Variants in MACROD2 observed in about 807,000 individuals in gnomAD.
MACROD2 encodes ADP-ribose glycohydrolase MACROD2.
In MACROD2, 36 loss-of-function variants were observed where a neutral mutation model predicts 70.4. The observed-to-expected ratio is 0.51, with a 90% CI of 0.39 to 0.68. The LOEUF (loss-of-function observed/expected upper bound fraction) is 0.68. Among genes scored for constraint, MACROD2 ranks in the 30% least tolerant of loss-of-function variants. The probability of loss-of-function intolerance (pLI) is 0.00; values close to 1 mark genes in which losing one functional copy is unlikely to be tolerated. For synonymous variants in MACROD2, 172 were observed against 178.8 expected (o/e 0.96, Z 0.30); for missense variants, 496 against 538.4 (o/e 0.92, Z 0.78).
chr20:16,005,883 A>G (rs917574932), intron 15 of MACROD2, among the ~76,000 whole-genome samples: 2 of 151,950 alleles, frequency 1.3e-5, no homozygotes, highest in Admixed American at 6.6e-5. Flanking sequence ...CTTTTCCCCT[A>G]TTGTTCTCTC....
intron 5 of MACROD2, among the ~76,000 whole-genome samples, chr20:14,754,125 T>C (rs181223341): frequency 5.9e-5 from 9 of 151,910 alleles, no homozygotes; most frequent in Admixed American, 2.6e-4. Context: ...ATGTTTTTTA[T>C]ATTTCTAGTT....
intron 3 of MACROD2, among the ~76,000 whole-genome samples, chr20:14,221,854 A>G (rs1356803019): frequency 6.6e-6 from 1 of 152,244 alleles, no homozygotes; most frequent in Non-Finnish European, 1.5e-5. Context: ...AGACATACAA[A>G]TGGACAACAA....
At chr20:15,634,923 A>G (rs1396087403) in intron 8 of MACROD2, among the ~76,000 whole-genome samples, 1 of 152,240 alleles carries the variant, frequency 6.6e-6, no homozygotes, top group African/African-American at 2.4e-5. Context: ...GTTGGTGAAG[A>G]TGGCTGCAGA....
chr20:15,078,616 TG>T, intron 5 of MACROD2, among the ~76,000 whole-genome samples: 1 of 152,214 alleles, frequency 6.6e-6, no homozygotes, highest in East Asian at 1.9e-4. Flanking sequence ...TATTCTTCCC[TG>T]TTTTAGGAAT....
intron 4 of MACROD2, among the ~76,000 whole-genome samples, chr20:14,596,383 C>T (rs1982144019): frequency 6.8e-6 from 1 of 147,726 alleles, no homozygotes; most frequent in Non-Finnish European, 1.5e-5. Flanking sequence ...AGCCACCGTG[C>T]CCAGCCCATA....
At chr20:15,877,880 T>G (rs1261236812) in intron 9 of MACROD2, among the ~76,000 whole-genome samples, 1 of 152,104 alleles carries the variant, frequency 6.6e-6, no homozygotes, top group East Asian at 1.9e-4. Context: ...TTGTTCTCCT[T>G]GACAGACCTG....
At chr20:15,787,161 G>A (rs748680242) in intron 8 of MACROD2, among the ~76,000 whole-genome samples, 3 of 152,036 alleles carry the variant, frequency 2.0e-5, no homozygotes, top group Non-Finnish European at 2.9e-5. Flanking sequence ...TAATAGAGAC[G>A]GGATTTCACC....
At chr20:15,674,062 C>T (rs1288383678) in intron 8 of MACROD2, among the ~76,000 whole-genome samples, 1 of 152,074 alleles carries the variant, frequency 6.6e-6, no homozygotes, top group Non-Finnish European at 1.5e-5. Flanking sequence ...ATCCTGTGAA[C>T]CTATAGATCT....
intron 5 of MACROD2, among the ~76,000 whole-genome samples, chr20:15,189,944 G>A (rs571567109): frequency 2.8e-4 from 42 of 152,090 alleles, no homozygotes; most frequent in African/African-American, 9.9e-4. Context: ...TTCATTTAAT[G>A]AATTACCTCT....
intron 8 of MACROD2, among the ~76,000 whole-genome samples, chr20:15,766,013 C>G (rs2051518820): frequency 6.6e-6 from 1 of 152,064 alleles, no homozygotes; most frequent in East Asian, 1.9e-4. Context: ...AAATAAATAT[C>G]ACTCTTACTC....
intron 7 of MACROD2, among the ~76,000 whole-genome samples, chr20:15,481,784 T>C (rs1288798460): frequency 6.6e-6 from 1 of 152,062 alleles, no homozygotes; most frequent in Non-Finnish European, 1.5e-5. Context: ...TTGCCTGCAG[T>C]TAAGAGAGAA....
intron 5 of MACROD2, among the ~76,000 whole-genome samples, chr20:14,975,055 T>G (rs1433388686): frequency 6.6e-6 from 1 of 152,090 alleles, no homozygotes; most frequent in Non-Finnish European, 1.5e-5. Context: ...GGATGCTTAT[T>G]TAGGGGCATC....
chr20:14,479,549 T>G (rs2084638435), intron 3 of MACROD2, among the ~76,000 whole-genome samples: 1 of 152,138 alleles, frequency 6.6e-6, no homozygotes, highest in African/African-American at 2.4e-5. Context: ...ACTATGCTGT[T>G]CCTCCAGACC....
intron 10 of MACROD2, among the ~76,000 whole-genome samples, chr20:15,891,267 C>A (rs2064886128): frequency 6.6e-6 from 1 of 152,068 alleles, no homozygotes; most frequent in Non-Finnish European, 1.5e-5. Flanking sequence ...AGGAACCAGC[C>A]TAGCAGTGAT....
chr20:14,055,507 CAAAAAAA>C (rs4052606), intron 2 of MACROD2, among the ~76,000 whole-genome samples: 1 of 103,210 alleles, frequency 9.7e-6, no homozygotes. Context: ...GTTTCAGGAG[CAAAAAAA>C]AAAAAAAAAA....
At chr20:14,017,352 T>C (rs2053008237) in intron 2 of MACROD2, among the ~76,000 whole-genome samples, 1 of 152,152 alleles carries the variant, frequency 6.6e-6, no homozygotes, top group African/African-American at 2.4e-5. Flanking sequence ...AAACTTCCAA[T>C]ATTATGTTGG....
chr20:15,544,671 A>G lies in MACROD2; in HGVS notation c.645+44824A>G, dbSNP rs193239766. 2.6e-5 allele frequency among the ~76,000 whole-genome samples: 4 copies of G among 152,322 alleles called. No individual in the cohort carries two copies. In the East Asian group the frequency reaches 7.7e-4, roughly 29 times the overall value. On this transcript the variant is annotated intron_variant, in intron 8 of 17. Coordinates refer to ENST00000684519, the MANE Select transcript of MACROD2 (RefSeq NM_001351661.2). ...CTTCTAGAACTTAACTGACTTCTGC[A>G]TGCACGCCAGCCTTCCTAGTGTAAC... is the stretch of plus-strand genomic sequence containing the variant.
chr20:15,538,481 G>A (rs868012696), intron 8 of MACROD2, among the ~76,000 whole-genome samples: 5 of 152,132 alleles, frequency 3.3e-5, no homozygotes, highest in South Asian at 4.1e-4. Flanking sequence ...AACAAAAGGT[G>A]GAGAGCTCAA....
At chr20:15,199,868 C>T (rs1276939865) in intron 5 of MACROD2, among the ~76,000 whole-genome samples, 1 of 152,182 alleles carries the variant, frequency 6.6e-6, no homozygotes, top group Non-Finnish European at 1.5e-5. Flanking sequence ...TTGGTCATTA[C>T]TATCATTAGC....
Sources: allele counts gnomAD v4.1 joint callset (sites outside exome capture counted in the v4.1 genomes callset), GRCh38; gene constraint gnomAD v4.1.1; transcripts MANE v1.5; gene names NCBI Gene and HGNC (gene_info 2026-07-23, HGNC 2026-07-21).